KANK1: variants seen among roughly 807,000 people sequenced by gnomAD.
KANK1 encodes KN motif and ankyrin repeat domain-containing protein 1.
KANK1 carries 109 observed loss-of-function variants against 106.2 expected under a neutral mutation model. The ratio of observed to expected loss-of-function variants is 1.03; its 90% CI spans 0.88 to 1.20. The LOEUF (loss-of-function observed/expected upper bound fraction) is 1.20. Among genes scored for constraint, KANK1 ranks in the 50% most tolerant of loss-of-function variants. The pLI is 0.00. For synonymous variants in KANK1, 873 were observed against 652.2 expected (o/e 1.34, Z -5.16); for missense variants, 2,399 against 1,710.7 (o/e 1.40, Z -7.10).
At chr9:631,550 A>C (rs989687006) in intron 1 of KANK1, among the ~76,000 whole-genome samples, 1 of 143,752 alleles carries the variant, frequency 7.0e-6, no homozygotes, top group African/African-American at 2.7e-5. Context: ...CTTCTTCCAC[A>C]TTCCTCCTCC....
At chr9:476,167 A>G (rs2058099217) in intron 3 of KANK1, among the ~76,000 whole-genome samples, 1 of 151,506 alleles carries the variant, frequency 6.6e-6, no homozygotes, top group Admixed American at 6.6e-5. Flanking sequence ...AAAAGTTAGA[A>G]AACTAAACTA....
chr9:576,633 C>G (rs1820631558), intron 1 of KANK1, among the ~76,000 whole-genome samples: 1 of 152,142 alleles, frequency 6.6e-6, no homozygotes, highest in South Asian at 2.1e-4. Flanking sequence ...ATTTAGGGGA[C>G]TGTACATTTC....
intron 2 of KANK1, among the ~76,000 whole-genome samples, chr9:682,897 G>A (rs1361095570): frequency 6.6e-6 from 1 of 152,182 alleles, no homozygotes; most frequent in Admixed American, 6.5e-5. Context: ...ATGCTGCAGT[G>A]CGGTGCACCC....
At chr9:494,577 C>G (rs994648030) in intron 3 of KANK1, among the ~76,000 whole-genome samples, 8 of 152,274 alleles carry the variant, frequency 5.3e-5, no homozygotes, top group Non-Finnish European at 1.0e-4. Context: ...TTCTAACTTT[C>G]TCTCTCTCCC....
intron 1 of KANK1, among the ~76,000 whole-genome samples, chr9:642,495 C>T (rs1028858621): frequency 1.3e-5 from 2 of 150,992 alleles, no homozygotes; most frequent in Non-Finnish European, 2.9e-5. Flanking sequence ...TTTGATTTTG[C>T]TAATCTTGGT....
At chr9:608,028 A>ATTTTTTTTTTTT (rs1326986665) in intron 1 of KANK1, among the ~76,000 whole-genome samples, 1 of 84,386 alleles carries the variant, frequency 1.2e-5, no homozygotes, top group African/African-American at 4.7e-5. Flanking sequence ...TATTATTATT[A>ATTTTTTTTTTTT]TTATTATTTT....
intron 1 of KANK1, among the ~76,000 whole-genome samples, chr9:631,723 A>G (rs1343011048): frequency 6.6e-6 from 1 of 152,164 alleles, no homozygotes; most frequent in Non-Finnish European, 1.5e-5. Flanking sequence ...GTAGTCATCC[A>G]TCCCTTGCAT....
chr9:599,167 C>T lies in KANK1; in HGVS notation c.-83-77723C>T, dbSNP rs554378581. Among the ~76,000 whole-genome samples the T allele has an allele frequency of 2.0e-5, 3 of 150,938 alleles. No homozygotes were observed. The East Asian group carries it at 5.9e-4, about 30-fold the overall frequency. On this transcript the variant is annotated intron_variant, in intron 1 of 11. Transcript: ENST00000382297. Reference sequence around the variant, plus strand: ...CTGAGTAGCTGGGATTACAGGCACACACCACCATGCTTGACTAATTTTTTA... The same window carrying T: ...CTGAGTAGCTGGGATTACAGGCACATACCACCATGCTTGACTAATTTTTTA...
At position 660,508 on chromosome 9, in the gene KANK1, A is replaced by C. The variant is rs150538311; in HGVS notation, c.-83-16382A>C. 2.9e-3 allele frequency among the ~76,000 whole-genome samples: 441 copies of C among 152,280 alleles called. 7 individuals carry two copies. Among genetic ancestry groups the C allele is most frequent in the African/African-American group, 0.01 (420 of 41,532 alleles). ...TAAACTTGAAAGAGCCATGCTGTCTAGTCTTGAAGTCCCTCATTTAAACAG... is the reference window on the plus strand; with the variant it reads ...TAAACTTGAAAGAGCCATGCTGTCTCGTCTTGAAGTCCCTCATTTAAACAG... On this transcript the variant is annotated intron_variant, in intron 1 of 11. Transcript: ENST00000382297.
intron 1 of KANK1, among the ~76,000 whole-genome samples, chr9:560,614 A>G (rs1183190370): frequency 6.6e-6 from 1 of 152,182 alleles, no homozygotes; most frequent in Non-Finnish European, 1.5e-5. Flanking sequence ...TTTGTTTTAA[A>G]ATACTTTAAA....
At chr9:573,664 T>A (rs558325123) in intron 1 of KANK1, among the ~76,000 whole-genome samples, 3 of 152,168 alleles carry the variant, frequency 2.0e-5, no homozygotes, top group East Asian at 3.9e-4. Flanking sequence ...GCGGGCATTT[T>A]ATTTTTATCT....
chr9:737,387 C>T (rs1460185521), intron 7 of KANK1, among the ~76,000 whole-genome samples: 1 of 152,170 alleles, frequency 6.6e-6, no homozygotes, highest in African/African-American at 2.4e-5. Context: ...CATAGGCTGT[C>T]TTTCTTTGAT....
Position 518,454 on chromosome 9 carries a change from C to T in KANK1, c.-84+13700C>T, listed in dbSNP as rs940270432. On this transcript the variant is annotated intron_variant, in intron 1 of 11. Transcript: ENST00000382297. ...TTCCTGGCTTTTTACCTATACTTTTCGGCCAGACACTTCAAGGGGATCTGA... is the reference window on the plus strand; with the variant it reads ...TTCCTGGCTTTTTACCTATACTTTTTGGCCAGACACTTCAAGGGGATCTGA... Among the ~76,000 whole-genome samples, 48 of 151,608 alleles carry T rather than the reference C, an allele frequency of 3.2e-4. 1 individual carries two copies. Among genetic ancestry groups the T allele is most frequent in the African/African-American group, 9.3e-4 (38 of 40,914 alleles).
intron 1 of KANK1, among the ~76,000 whole-genome samples, chr9:653,795 C>G (rs9407335): frequency 6.6e-6 from 1 of 152,090 alleles, no homozygotes; most frequent in African/African-American, 2.4e-5. Context: ...AGGATAGCAA[C>G]TAGGAAGATG....
At chr9:495,578 A>C (rs1394318252) in intron 3 of KANK1, 1 of 152,174 alleles carries the variant, frequency 6.6e-6, no homozygotes. Flanking sequence ...TTCATATATC[A>C]AGGAGCATTG....
intron 1 of KANK1, among the ~76,000 whole-genome samples, chr9:572,515 G>A (rs943545595): frequency 2.0e-5 from 3 of 151,812 alleles, no homozygotes; most frequent in Non-Finnish European, 4.4e-5. Flanking sequence ...TCGCTCCACT[G>A]CACTCCAGCA....
At chr9:667,753 T>G (rs1017216173) in intron 1 of KANK1, among the ~76,000 whole-genome samples, 15 of 151,394 alleles carry the variant, frequency 9.9e-5, no homozygotes, top group South Asian at 2.1e-4. Context: ...TTTTGTTTTT[T>G]TTTTTGAGAT....
chr9:630,111 G>C (rs1281929174), intron 1 of KANK1, among the ~76,000 whole-genome samples: 10 of 151,970 alleles, frequency 6.6e-5, no homozygotes, highest in Admixed American at 1.3e-4. Flanking sequence ...TAGCAGACGT[G>C]GTGGCATGTG....
At position 711,729 on chromosome 9, in the gene KANK1, G is replaced by A; in HGVS notation, c.963G>A (p.Lys321=). ...ASQINVCGVR[K]RSYSAGNASQ... ...AGATCAATGTCTGTGGTGTGAGGAA[G>A]CGGTCCTATAGTGCGGGGAACGCCT... The change falls in exon 3 of 12, where the codon AAG becomes AAA. Residue 321 remains lysine (K), a synonymous_variant. Coordinates refer to ENST00000382297, the MANE Select transcript of KANK1 (RefSeq NM_015158.5). 1 of 1,614,264 alleles carries A rather than the reference G, an allele frequency of 6.2e-7. No homozygotes were observed. The highest frequency in any genetic ancestry group is 8.5e-7 in the Non-Finnish European group (1 of 1,180,044).
Sources: allele counts gnomAD v4.1 joint callset (sites outside exome capture counted in the v4.1 genomes callset), GRCh38; gene constraint gnomAD v4.1.1; transcripts MANE v1.5; gene names NCBI Gene and HGNC (gene_info 2026-07-23, HGNC 2026-07-21).